Variants in KDSR observed in about 807,000 individuals in gnomAD.
KDSR encodes the protein 3-ketodihydrosphingosine reductase.
A neutral mutation model predicts 41.3 loss-of-function variants in KDSR; 23 were observed. The ratio of observed to expected loss-of-function variants is 0.56; its 90% CI spans 0.40 to 0.79. The LOEUF is 0.79. KDSR is among the 30% of genes least tolerant of loss of function. The pLI is 0.00. For missense variants in KDSR, 351 were observed against 416.8 expected (o/e 0.84, Z 1.37); for synonymous variants, 138 against 151.7 (o/e 0.91, Z 0.66).
At chr18:63,359,632 A>G in intron 3 of KDSR, 104 bp downstream of exon 3, 2 of 773,744 alleles carry the variant, frequency 2.6e-6, no homozygotes, top group Non-Finnish European at 4.6e-6. Flanking sequence ...AAAACAGTAC[A>G]TATATGCTTT....
intron 1 of KDSR, among the ~76,000 whole-genome samples, chr18:63,363,491 G>T (rs1006475277): frequency 1.4e-5 from 2 of 144,296 alleles, no homozygotes; most frequent in Non-Finnish European, 3.0e-5. Flanking sequence ...TTGTTCTTGC[G>T]ATAGTTTACT....
At position 63,331,282 on chromosome 18, in the gene KDSR, G is replaced by A. The variant is rs1178540266; in HGVS notation, c.*500C>T. On this transcript the variant is annotated 3_prime_UTR_variant, in exon 10 of 10. Transcript: ENST00000645214. Reference sequence around the variant, plus strand: ...AAAGAAAGAAAGAGAGAGAGAGAGAGAGACAGAGAGACAGAGAGACAGAGA... The same window carrying A: ...AAAGAAAGAAAGAGAGAGAGAGAGAAAGACAGAGAGACAGAGAGACAGAGA... 1 of 35,914 alleles carries A rather than the reference G, an allele frequency of 2.8e-5. No homozygotes were observed. Among genetic ancestry groups the A allele is most frequent in the African/African-American group, 1.1e-4 (1 of 9,452 alleles). The allele number at this position is 35,914 out of a possible 1,614,324, so 2.2% of individuals were successfully genotyped here.
At chr18:63,332,831 CAAAAAAAAAAA>C (rs1159424416) in intron 9 of KDSR, among the ~76,000 whole-genome samples, 1 of 75,044 alleles carries the variant, frequency 1.3e-5, no homozygotes, top group South Asian at 5.0e-4. Context: ...GACTCCGTCT[CAAAAAAAAAAA>C]AAAAAAAAAA....
intron 6 of KDSR, among the ~76,000 whole-genome samples, chr18:63,350,377 T>A (rs188192682): frequency 9.3e-4 from 142 of 152,318 alleles, no homozygotes; most frequent in African/African-American, 3.2e-3. Context: ...AATATAAATA[T>A]TGGGAGAGTC....
At chr18:63,363,207 C>CTTTTT (rs1006397920) in intron 1 of KDSR, among the ~76,000 whole-genome samples, 1 of 121,774 alleles carries the variant, frequency 8.2e-6, no homozygotes, top group African/African-American at 3.0e-5. Context: ...ATCTTATTTT[C>CTTTTT]TTTTTTTTTT....
At chr18:63,360,422 A>G (rs1309869317) in intron 2 of KDSR, among the ~76,000 whole-genome samples, 1 of 152,232 alleles carries the variant, frequency 6.6e-6, no homozygotes, top group African/African-American at 2.4e-5. Context: ...AGTAACTTAA[A>G]TAATATCATG....
At chr18:63,363,963 C>G (rs1341397904) in intron 1 of KDSR, among the ~76,000 whole-genome samples, 1 of 152,154 alleles carries the variant, frequency 6.6e-6, no homozygotes, top group Non-Finnish European at 1.5e-5. Context: ...CTCTATGGGA[C>G]TCATAGGCAT....
chr18:63,336,064 C>T (rs1262414123), intron 8 of KDSR: 1 of 152,288 alleles, frequency 6.6e-6, no homozygotes, highest in Non-Finnish European at 1.5e-5. Flanking sequence ...GAATCTCACT[C>T]TGTGGCCCAG....
At chr18:63,345,118 T>G (rs189213110) in intron 6 of KDSR, 2 of 152,600 alleles carry the variant, frequency 1.3e-5, no homozygotes, top group Non-Finnish European at 2.9e-5. Context: ...CCTCCTCCAC[T>G]GAACCAACAA....
Position 63,328,346 on chromosome 18 carries a change from ATTT to A in KDSR, c.*3433_*3435del, listed in dbSNP as rs1020326118. On this transcript the variant is annotated 3_prime_UTR_variant, in exon 10 of 10. Transcript: ENST00000645214. ...TATGGTTTAACAGATCCAGATAAAG[ATTT>A]TTTTTCTTTTTTTTTTTTTTTGAGA... The A allele has an allele frequency of 6.4e-6, 1 of 156,326 alleles. No homozygotes were observed. The highest frequency in any genetic ancestry group is 8.3e-5 in the Admixed American group (1 of 12,010). The allele number at this position is 156,326 out of a possible 1,614,324, so 9.7% of individuals were successfully genotyped here.
intron 6 of KDSR, chr18:63,345,629 T>C (rs1039031696): frequency 6.6e-6 from 1 of 152,114 alleles, no homozygotes; most frequent in Admixed American, 6.5e-5. Context: ...CACTGCCTAA[T>C]GTGACGGCCT....
At chr18:63,335,676 A>C in intron 8 of KDSR, 1 of 198,676 alleles carries the variant, frequency 5.0e-6, no homozygotes, top group Non-Finnish European at 1.0e-5. Context: ...ATGGGCAAGA[A>C]CCACGGGGTT....
rs1914048805 is a variant in KDSR, at chr18:63,332,853, A to AT, written c.880-953_880-952insA. Among the ~76,000 whole-genome samples, 4 of 144,222 alleles carry AT rather than the reference A, an allele frequency of 2.8e-5. No individual in the cohort carries two copies. In the South Asian group the frequency reaches 8.8e-4, roughly 32 times the overall value. 94.6% of individuals were successfully genotyped at this position (144,222 alleles called of 152,430 possible). A position where few individuals can be genotyped will look rare whatever the true frequency, so the allele number is the denominator to read the frequency against. ...TCTCAAAAAAAAAAAAAAAAAAAAA[A>AT]GAGAATAGAAAAATCCCTTTGTTTT... On this transcript the variant is annotated intron_variant, in intron 9 of 9. Transcript: ENST00000645214.
chr18:63,335,680 C>T (rs961078064), intron 8 of KDSR: 2 of 193,660 alleles, frequency 1.0e-5, no homozygotes, highest in South Asian at 1.2e-4. Context: ...GCAAGAACCA[C>T]GGGGTTCTTG....
chr18:63,362,149 C>T (rs1915007163), intron 2 of KDSR, among the ~76,000 whole-genome samples: 1 of 152,230 alleles, frequency 6.6e-6, no homozygotes, highest in Non-Finnish European at 1.5e-5. Context: ...CCTCCAGTCC[C>T]CATATGGGGA....
chr18:63,342,421 A>G (rs1310134586), intron 7 of KDSR, among the ~76,000 whole-genome samples: 2 of 152,202 alleles, frequency 1.3e-5, no homozygotes, highest in Non-Finnish European at 2.9e-5. Flanking sequence ...AGAACAGACC[A>G]GGAACGGGGA....
chr18:63,350,564 A>G (rs1049883908), intron 6 of KDSR, among the ~76,000 whole-genome samples: 1 of 152,238 alleles, frequency 6.6e-6, no homozygotes, highest in African/African-American at 2.4e-5. Context: ...AAAAATCTCT[A>G]TAAAATAAAA....
intron 3 of KDSR, 145 bp downstream of exon 3, chr18:63,359,591 A>G: frequency 1.6e-6 from 1 of 630,810 alleles, no homozygotes; most frequent in Non-Finnish European, 2.9e-6. Context: ...ATTCTGAGTT[A>G]CTAGACCATT....
chr18:63,367,017 A>T lies in KDSR; in HGVS notation c.102T>A (p.His34Gln). Residue 34 changes from histidine to glutamine, a missense_variant, in exon 1 of 10, where the codon CAT becomes CAA. Transcript: ENST00000645214. ...SPKPLALPGA[H>Q]VVVTGGSSGI... The stretch of plus-strand genomic sequence containing the variant: ...GCAACAGGAGGCCACTCACCACCAC[A>T]TGCGCCCCGGGCAGGGCGAGGGGCT... 3 of 1,306,516 alleles carry T rather than the reference A, an allele frequency of 2.3e-6. No homozygotes were observed. The highest frequency in any genetic ancestry group is 3.0e-6 in the Non-Finnish European group (3 of 1,016,848). 80.9% of individuals were successfully genotyped at this position (1,306,516 alleles called of 1,614,324 possible).
Sources: allele counts gnomAD v4.1 joint callset (sites outside exome capture counted in the v4.1 genomes callset), GRCh38; gene constraint gnomAD v4.1.1; transcripts MANE v1.5; gene names NCBI Gene and HGNC (gene_info 2026-07-23, HGNC 2026-07-21).